CDC40: variants seen among roughly 807,000 people sequenced by gnomAD.
CDC40 encodes pre-mRNA-processing factor 17.
A neutral mutation model predicts 80.6 loss-of-function variants in CDC40; 27 were observed. The ratio of observed to expected loss-of-function variants is 0.33; its 90% CI spans 0.25 to 0.46. CDC40 has a LOEUF of 0.46. Among genes scored for constraint, CDC40 ranks in the 20% least tolerant of loss-of-function variants. The pLI is 1.00. For missense variants in CDC40, 486 were observed against 694.1 expected (o/e 0.70, Z 3.37); for synonymous variants, 221 against 232.6 (o/e 0.95, Z 0.45).
At chr6:110,201,332 A>T (rs543370356) in intron 2 of CDC40, among the ~76,000 whole-genome samples, 1 of 152,162 alleles carries the variant, frequency 6.6e-6, no homozygotes, top group Non-Finnish European at 1.5e-5. Context: ...AAATAGCTAC[A>T]TATAGATTTG....
chr6:110,187,817 G>T (rs904958278), intron 1 of CDC40, among the ~76,000 whole-genome samples: 2 of 152,172 alleles, frequency 1.3e-5, no homozygotes, highest in Non-Finnish European at 2.9e-5. Flanking sequence ...GACCCACAGG[G>T]TGCCCTTCAC....
intron 10 of CDC40, among the ~76,000 whole-genome samples, chr6:110,218,074 G>T (rs1438692652): frequency 6.6e-6 from 1 of 152,180 alleles, no homozygotes; most frequent in Non-Finnish European, 1.5e-5. Flanking sequence ...CCATCTAATT[G>T]ATTTTTTTGT....
At chr6:110,221,401 T>G (rs1169314260) in intron 12 of CDC40, among the ~76,000 whole-genome samples, 1 of 152,144 alleles carries the variant, frequency 6.6e-6, no homozygotes, top group Non-Finnish European at 1.5e-5. Flanking sequence ...GACTGAGCAT[T>G]TAATGTAATT....
chr6:110,215,359 A>C, intron 9 of CDC40, 28 bp downstream of exon 9: 1 of 1,579,848 alleles, frequency 6.3e-7, no homozygotes, highest in Non-Finnish European at 8.7e-7. Context: ...TCCAACATAA[A>C]TCTGGGAAGA....
chr6:110,192,374 C>T (rs1271185820), intron 1 of CDC40, among the ~76,000 whole-genome samples: 1 of 152,190 alleles, frequency 6.6e-6, no homozygotes, highest in Non-Finnish European at 1.5e-5. Context: ...TCAAGGAAAA[C>T]TCCAGATTTT....
At chr6:110,180,761 C>T (rs1210794619) in intron 1 of CDC40, 128 bp downstream of exon 1, 5 of 675,520 alleles carry the variant, frequency 7.4e-6, no homozygotes, top group Admixed American at 2.8e-5. Context: ...GTTTGAATTT[C>T]TTCTCCTTCC....
At chr6:110,213,407 T>G (rs1471015800) in intron 8 of CDC40, among the ~76,000 whole-genome samples, 4 of 150,906 alleles carry the variant, frequency 2.7e-5, no homozygotes, top group Admixed American at 1.3e-4. Context: ...TTTTTTTTTT[T>G]GAGATGGAGT....
intron 8 of CDC40, among the ~76,000 whole-genome samples, chr6:110,215,037 G>A (rs1777681203): frequency 6.6e-6 from 1 of 152,126 alleles, no homozygotes; most frequent in Non-Finnish European, 1.5e-5. Flanking sequence ...CTTTTTTGAT[G>A]TAAATATCTT....
chr6:110,201,299 TG>T (rs1424061893), intron 2 of CDC40, among the ~76,000 whole-genome samples: 1 of 152,144 alleles, frequency 6.6e-6, no homozygotes, highest in African/African-American at 2.4e-5. Context: ...GACAACCACA[TG>T]GGGCTACTGA....
chr6:110,201,121 G>A (rs1263588271), intron 2 of CDC40, among the ~76,000 whole-genome samples: 2 of 152,078 alleles, frequency 1.3e-5, no homozygotes, highest in South Asian at 4.2e-4. Context: ...AGGAACTAGT[G>A]GAAAAGAAAC....
At chr6:110,201,757 G>C (rs1239494398) in intron 3 of CDC40, 70 bp downstream of exon 3, 4 of 1,318,806 alleles carry the variant, frequency 3.0e-6, no homozygotes, top group Non-Finnish European at 3.2e-6. Flanking sequence ...GTGTTAGTCT[G>C]TTTTATCTTC....
At chr6:110,217,647 G>A in intron 9 of CDC40, 55 bp from the exon 10 acceptor site, 1 of 818,812 alleles carries the variant, frequency 1.2e-6, no homozygotes, top group Non-Finnish European at 2.2e-6. Context: ...TGTTTTAAGA[G>A]AAGAAGATAT....
intron 2 of CDC40, among the ~76,000 whole-genome samples, chr6:110,195,843 G>T (rs1020758466): frequency 6.6e-6 from 1 of 152,112 alleles, no homozygotes; most frequent in Non-Finnish European, 1.5e-5. Context: ...ATAACATTGC[G>T]CAAGGCTTTG....
At chr6:110,182,010 T>G (rs1238594575) in intron 1 of CDC40, among the ~76,000 whole-genome samples, 2 of 152,184 alleles carry the variant, frequency 1.3e-5, no homozygotes, top group Non-Finnish European at 2.9e-5. Context: ...CTCCCATACC[T>G]TCAACCTCAG....
chr6:110,190,227 A>G (rs1483168923), intron 1 of CDC40, among the ~76,000 whole-genome samples: 1 of 152,236 alleles, frequency 6.6e-6, no homozygotes, highest in Non-Finnish European at 1.5e-5. Flanking sequence ...CAGGAAAAAT[A>G]AGAAGGCGGC....
intron 5 of CDC40, among the ~76,000 whole-genome samples, chr6:110,210,217 A>G (rs1167541833): frequency 1.3e-5 from 2 of 151,686 alleles, no homozygotes; most frequent in East Asian, 3.9e-4. Flanking sequence ...TCCATTATGT[A>G]TTTAGTACCA....
At chr6:110,191,066 AC>A (rs1363608812) in intron 1 of CDC40, among the ~76,000 whole-genome samples, 1 of 152,168 alleles carries the variant, frequency 6.6e-6, no homozygotes, top group African/African-American at 2.4e-5. Context: ...AGCTCAAGGG[AC>A]CTGATAGGCT....
intron 11 of CDC40, 122 bp from the exon 12 acceptor site, chr6:110,219,614 A>G (rs994052201): frequency 7.8e-7 from 1 of 1,287,332 alleles, no homozygotes. Context: ...TTCTTAGCAG[A>G]AAAATTTACA....
At chr6:110,229,075 T>C in intron 14 of CDC40, 99 bp downstream of exon 14, 1 of 962,126 alleles carries the variant, frequency 1.0e-6, no homozygotes, top group Non-Finnish European at 1.5e-6. Context: ...ACATAATATG[T>C]TTTTATGAGA....
Sources: gnomAD v4.1 joint callset for allele counts (sites outside exome capture counted in the v4.1 genomes callset) on GRCh38, gnomAD v4.1.1 for gene constraint, MANE v1.5 for transcripts, NCBI Gene and HGNC (gene_info 2026-07-23, HGNC 2026-07-21) for gene names.